The following ZNF268 variants were observed in gnomAD, a reference collection of about 807,000 sequenced individuals.
ZNF268 encodes the protein zinc finger protein 3.
In ZNF268, 20 loss-of-function variants were observed where a neutral mutation model predicts 29.3. The ratio of observed to expected loss-of-function variants is 0.68; its 90% confidence interval spans 0.48 to 0.99. The LOEUF (loss-of-function observed/expected upper bound fraction) is 0.99, where lower values mean the gene tolerates loss of function less well. Among genes scored for constraint, ZNF268 ranks in the 50% least tolerant of loss-of-function variants. The probability of loss-of-function intolerance (pLI) is 0.00; values close to 1 mark genes in which losing one functional copy is unlikely to be tolerated. For missense variants in ZNF268, 1,240 were observed against 1,121.6 expected, an observed-to-expected ratio of 1.11 and a Z score of -1.51; for synonymous variants, 429 against 376.9, an observed-to-expected ratio of 1.14 and a Z score of -1.60.
chr12:133,204,388 T>G lies in ZNF268; in HGVS notation c.2702T>G (p.Phe901Cys). The change falls in exon 6 of 6, where the codon TTC (phenylalanine) becomes TGC (cysteine). Residue 901 changes from phenylalanine to cysteine, a missense_variant. By Grantham distance (205) the Phe-to-Cys change is radical (BLOSUM62 -2). Transcript: ENST00000536435. ...GGGTGCAATGAATGTGGGAAAACCT[T>G]CTCTCAAAAATCAATTCTCAGTGCA... Reference protein sequence around the residue: ...PYGCNECGKTFSQKSILSAHQ... With the variant: ...PYGCNECGKTCSQKSILSAHQ... 1 of 1,571,484 alleles carries G rather than the reference T, an allele frequency of 6.4e-7. No individual in the cohort carries two copies. The highest frequency in any genetic ancestry group is 8.6e-7 in the Non-Finnish European group (1 of 1,162,882).
At position 133,204,700 on chromosome 12, in the gene ZNF268, C is replaced by T. The variant is rs946789399; in HGVS notation, c.*170C>T. Reference sequence around the variant, plus strand: ...GGCATCCACAGAAAGCTGTTCTTTACATGCAAAAAGATAGTAGACAATACA... The same window carrying T: ...GGCATCCACAGAAAGCTGTTCTTTATATGCAAAAAGATAGTAGACAATACA... On this transcript the variant is annotated 3_prime_UTR_variant, in exon 6 of 6. Transcript: ENST00000536435. 1.1e-5 allele frequency: 6 copies of T among 531,608 alleles called. No individual in the cohort carries two copies. Among genetic ancestry groups the T allele is most frequent in the Non-Finnish European group, 1.9e-5 (6 of 313,772 alleles). 32.9% of individuals were successfully genotyped at this position (531,608 alleles called of 1,614,324 possible). A position where few individuals can be genotyped will look rare whatever the true frequency, so the allele number is the denominator to read the frequency against.
At chr12:133,188,192 A>T in intron 3 of ZNF268, 120 bp downstream of exon 3, 1 of 929,634 alleles carries the variant, frequency 1.1e-6, no homozygotes, top group Non-Finnish European at 1.6e-6. Flanking sequence ...AGTTCAGTTC[A>T]AAACCCCCCC....
intron 2 of ZNF268, among the ~76,000 whole-genome samples, chr12:133,183,680 GA>G (rs1956232687): frequency 1.3e-5 from 2 of 152,276 alleles, no homozygotes; most frequent in South Asian, 4.1e-4. Context: ...GTGATTGGTA[GA>G]GGGGGAAGAT....
chr12:133,204,781 T>C lies in ZNF268; in HGVS notation c.*251T>C, dbSNP rs546869963. ...AAATTTTTAGCAGCAAGTCATACCTTTTTTTAAAAAGTTCATACAGGTGAG... is the reference window on the plus strand; with the variant it reads ...AAATTTTTAGCAGCAAGTCATACCTCTTTTTAAAAAGTTCATACAGGTGAG... On this transcript the variant is annotated 3_prime_UTR_variant, in exon 6 of 6. Coordinates refer to ENST00000536435, the MANE Select transcript of ZNF268 (RefSeq NM_003415.3). 1.0e-5 allele frequency: 4 copies of C among 387,784 alleles called. No individual in the cohort carries two copies. In the East Asian group the frequency reaches 1.6e-4, roughly 15 times the overall value. The allele number at this position is 387,784 out of a possible 1,614,324, so 24.0% of individuals were successfully genotyped here. A position where few individuals can be genotyped will look rare whatever the true frequency, so the allele number is the denominator to read the frequency against.
chr12:133,202,557 C>A lies in ZNF268; in HGVS notation c.871C>A (p.Leu291Ile). The change falls in exon 6 of 6, where the codon CTT becomes ATT. Residue 291 changes from leucine to isoleucine, a missense_variant. Leu to Ile is a conservative substitution (Grantham distance 5). Around this residue, in one of 3 missense-constraint regions of ZNF268, gnomAD observed 1,177 missense variants for 1,039.6 expected, o/e 1.13. Coordinates refer to ENST00000536435, the MANE Select transcript of ZNF268 (RefSeq NM_003415.3). Reference sequence around the variant, plus strand: ...GAAAGCCTTCAGCAGCAAGTCATACCTTCTAGTGCATCAGCAAACTCATGC... The same window carrying A: ...GAAAGCCTTCAGCAGCAAGTCATACATTCTAGTGCATCAGCAAACTCATGC... ...CEKAFSSKSY[L>I]LVHQQTHAEE... 1 of 1,610,834 alleles carries A rather than the reference C, an allele frequency of 6.2e-7. No homozygotes were observed.
rs201031913 is a variant in ZNF268, at chr12:133,202,544, C to G, written c.858C>G (p.Ser286Arg). The G allele has an allele frequency of 1.9e-6, 3 of 1,611,188 alleles. No homozygotes were observed. Among genetic ancestry groups the G allele is most frequent in the Non-Finnish European group, 2.5e-6 (3 of 1,178,590 alleles). The change falls in exon 6 of 6, where the codon AGC (serine) becomes AGG (arginine). Residue 286 changes from serine (S) to arginine (R), a missense_variant. Physicochemically the swap from Ser to Arg is moderately radical, Grantham distance 110 (BLOSUM62 -1). Coordinates refer to ENST00000536435, the MANE Select transcript of ZNF268 (RefSeq NM_003415.3). ...FGCSCCEKAF[S>R]SKSYLLVHQQ... is the part of the protein sequence containing the mutation. ...GCAGCTGTTGTGAGAAAGCCTTCAG[C>G]AGCAAGTCATACCTTCTAGTGCATC...
chr12:133,187,011 C>G (rs962274428), intron 2 of ZNF268, among the ~76,000 whole-genome samples: 5 of 152,048 alleles, frequency 3.3e-5, no homozygotes, highest in Non-Finnish European at 7.3e-5. Context: ...AGAGGTTGTT[C>G]GCTCCCTCTT....
At position 133,211,083 on chromosome 12, in the gene ZNF268, G is replaced by A. The variant is rs1382039019; in HGVS notation, c.*6553G>A. The A allele has an allele frequency of 2.2e-6, 1 of 450,066 alleles. No individual in the cohort carries two copies. Among genetic ancestry groups the A allele is most frequent in the African/African-American group, 2.0e-5 (1 of 49,854 alleles). 27.9% of individuals were successfully genotyped at this position (450,066 alleles called of 1,614,324 possible). A position where few individuals can be genotyped will look rare whatever the true frequency, so the allele number is the denominator to read the frequency against. ...ATGGATAGAGATAATAAAAGGCAAA[G>A]TAGATGGCCATAGACAAAAGTCAAG... On this transcript the variant is annotated 3_prime_UTR_variant, in exon 6 of 6. Coordinates refer to ENST00000536435, the MANE Select transcript of ZNF268 (RefSeq NM_003415.3).
intron 5 of ZNF268, among the ~76,000 whole-genome samples, chr12:133,193,946 T>C (rs950941959): frequency 3.9e-5 from 6 of 152,208 alleles, no homozygotes; most frequent in African/African-American, 1.4e-4. Context: ...AAGTTTTTTT[T>C]CCTAACACTG....
At position 133,206,539 on chromosome 12, in the gene ZNF268, G is replaced by A. The variant is rs890286465; in HGVS notation, c.*2009G>A. On this transcript the variant is annotated 3_prime_UTR_variant, in exon 6 of 6. Transcript: ENST00000536435. ...CTACCTCATCAGGTTTGTTATGTGA[G>A]TGGGCATTAATCTGGGAAGAGTGGG... 1.3e-5 allele frequency: 2 copies of A among 152,194 alleles called. No homozygotes were observed. The highest frequency in any genetic ancestry group is 2.9e-5 in the Non-Finnish European group (2 of 68,044). The allele number at this position is 152,194 out of a possible 1,614,324, so 9.4% of individuals were successfully genotyped here.
Position 133,212,522 on chromosome 12 carries a change from CACATAT to C in ZNF268, c.*7994_*7999del, listed in dbSNP as rs1957002578. The C allele has an allele frequency of 2.1e-5, 3 of 141,564 alleles. No homozygotes were observed. Among genetic ancestry groups the C allele is most frequent in the African/African-American group, 8.0e-5 (3 of 37,726 alleles). 8.8% of individuals were successfully genotyped at this position (141,564 alleles called of 1,614,324 possible). On this transcript the variant is annotated 3_prime_UTR_variant, in exon 6 of 6. Coordinates refer to ENST00000536435, the MANE Select transcript of ZNF268 (RefSeq NM_003415.3). ...ATGTATATATACACACACACATACACACATATATACACATATATATACACATATACA... is the reference window on the plus strand; with the variant it reads ...ATGTATATATACACACACACATACACATACACATATATATACACATATACA...
intron 5 of ZNF268, 81 bp from the exon 6 acceptor site, chr12:133,202,059 CTAAT>C (rs1250509980): frequency 9.0e-7 from 1 of 1,109,318 alleles, no homozygotes; most frequent in African/African-American, 1.6e-5. Flanking sequence ...TAACATGTGA[CTAAT>C]TGTTCTTATT....
At position 133,203,498 on chromosome 12, in the gene ZNF268, A is replaced by G. The variant is rs995496934; in HGVS notation, c.1812A>G (p.Arg604=). The G allele has an allele frequency of 2.6e-6, 4 of 1,544,004 alleles. No individual in the cohort carries two copies. The highest frequency in any genetic ancestry group is 2.7e-5 in the African/African-American group (2 of 73,092). Residue 604 remains arginine (R), a synonymous_variant, in exon 6 of 6, where the codon AGA becomes AGG. Transcript: ENST00000536435. Reference sequence around the variant, plus strand: ...AGTCACAGCTTATTATACACCAGAGAACTCATACAGGGGAGAAACCATTTG... The same window carrying G: ...AGTCACAGCTTATTATACACCAGAGGACTCATACAGGGGAGAAACCATTTG... ...GLKSQLIIHQ[R]THTGEKPFEC... is the part of the protein sequence containing the mutation.
intron 3 of ZNF268, among the ~76,000 whole-genome samples, chr12:133,189,588 T>G (rs547189256): frequency 6.6e-6 from 1 of 152,340 alleles, no homozygotes; most frequent in Middle Eastern, 3.4e-3. Flanking sequence ...GTATTGACCA[T>G]GTATCCTGTG....
Position 133,205,653 on chromosome 12 carries a change from A to G in ZNF268, c.*1123A>G, listed in dbSNP as rs1008421708. The G allele has an allele frequency of 6.6e-6, 1 of 152,232 alleles. No individual in the cohort carries two copies. The highest frequency in any genetic ancestry group is 1.5e-5 in the Non-Finnish European group (1 of 68,026). 9.4% of individuals were successfully genotyped at this position (152,232 alleles called of 1,614,324 possible). A position where few individuals can be genotyped will look rare whatever the true frequency, so the allele number is the denominator to read the frequency against. On this transcript the variant is annotated 3_prime_UTR_variant, in exon 6 of 6. Transcript: ENST00000536435. ...CACACTGCAAACATTTTTTAGGGCT[A>G]TCTTCTGCCCTTTGGAAGCAGTCTT...
In ZNF268 at chr12:133,203,519, A is replaced by G; in HGVS notation, c.1833A>G (p.Pro611=). 2 of 1,547,028 alleles carry G rather than the reference A, an allele frequency of 1.3e-6. No homozygotes were observed. The highest frequency in any genetic ancestry group is 8.7e-7 in the Non-Finnish European group (1 of 1,150,072). The change falls in exon 6 of 6, where the codon CCA becomes CCG. Residue 611 remains proline (P), a synonymous_variant. Transcript: ENST00000536435. ...AGAGAACTCATACAGGGGAGAAACCATTTGAATGTAGTGAGTGTCAGAAAG... is the reference window on the plus strand; with the variant it reads ...AGAGAACTCATACAGGGGAGAAACCGTTTGAATGTAGTGAGTGTCAGAAAG... The part of the protein sequence containing the change: ...IHQRTHTGEK[P]FECSECQKAF...
chr12:133,188,783 C>G (rs1038886919), intron 3 of ZNF268, among the ~76,000 whole-genome samples: 1 of 152,130 alleles, frequency 6.6e-6, no homozygotes, highest in African/African-American at 2.4e-5. Flanking sequence ...TTAAAACAAA[C>G]TTACTATGAA....
intron 2 of ZNF268, among the ~76,000 whole-genome samples, chr12:133,184,247 G>A (rs934619959): frequency 6.6e-6 from 1 of 151,876 alleles, no homozygotes; most frequent in African/African-American, 2.4e-5. Flanking sequence ...GACTACAGGC[G>A]TGTGCCACCA....
At chr12:133,190,164 C>G (rs1956431289) in intron 3 of ZNF268, among the ~76,000 whole-genome samples, 1 of 152,200 alleles carries the variant, frequency 6.6e-6, no homozygotes. Context: ...GGAATATGTC[C>G]TTTTCAACTA....
Sources: gnomAD v4.1 joint callset for allele counts (sites outside exome capture counted in the v4.1 genomes callset) on GRCh38, gnomAD v4.1.1 for gene constraint, gnomAD v4.1.1 regional missense constraint, MANE v1.5 for transcripts, NCBI Gene and HGNC (gene_info 2026-07-23, HGNC 2026-07-21) for gene names.